The following NLE1 variants were observed in gnomAD, a reference collection of about 807,000 sequenced individuals.
NLE1 encodes notchless homolog 1.
NLE1 carries 37 observed loss-of-function variants against 62.8 expected under a neutral mutation model. The ratio of observed to expected loss-of-function variants is 0.59; its 90% CI spans 0.45 to 0.78. The LOEUF is 0.78. Among genes scored for constraint, NLE1 ranks in the 30% least tolerant of loss-of-function variants. The pLI is 0.00. For missense variants in NLE1, 555 were observed against 637.9 expected (o/e 0.87, Z 1.40); for synonymous variants, 243 against 253.0 (o/e 0.96, Z 0.37).
chr17:35,132,895 G>A (rs1250624963), intron 12 of NLE1, among the ~76,000 whole-genome samples: 1 of 152,110 alleles, frequency 6.6e-6, no homozygotes, highest in Non-Finnish European at 1.5e-5. Flanking sequence ...GTGTCCTGTG[G>A]CCCCTGTTGT....
Position 35,136,562 on chromosome 17 carries a change from G to A in NLE1, c.829-65C>T, listed in dbSNP as rs187725196. 1.5e-4 allele frequency: 228 copies of A among 1,557,218 alleles called. 2 individuals carry two copies. The East Asian group carries it at 2.4e-3, about 17-fold the overall frequency. On this transcript the variant is annotated intron_variant, in intron 7 of 12. Transcript: ENST00000442241. ...CCCACGCCTGGGCGATTAGCCCCAGGAGACAGGTGGTACAAGACTAATAAT... is the reference window on the plus strand; with the variant it reads ...CCCACGCCTGGGCGATTAGCCCCAGAAGACAGGTGGTACAAGACTAATAAT...
chr17:35,133,145 C>G (rs761664528), intron 12 of NLE1, 26 bp downstream of exon 12: 2 of 1,610,248 alleles, frequency 1.2e-6, no homozygotes, highest in African/African-American at 1.3e-5. Context: ...GCTGTGTATG[C>G]CAACCACCAC....
In NLE1 at chr17:35,139,852, C is replaced by A; in HGVS notation, c.377G>T (p.Gly126Val). ...ATGAGTCTGCAGCTGTCCTTACTTT[C>A]CCGTAGGGCTGAAGGCCACAGAAAT... Reference protein sequence around the residue: ...AVISVAFSPTGKYLASGSGDT... With the variant: ...AVISVAFSPTVKYLASGSGDT... The change falls in exon 3 of 13, where the codon GGA becomes GTA. Residue 126 changes from glycine (G) to valine (V), a missense_variant. Transcript: ENST00000442241. 6.2e-7 allele frequency: 1 copy of A among 1,612,176 alleles called. No homozygotes were observed. Among genetic ancestry groups the A allele is most frequent in the Non-Finnish European group, 8.5e-7 (1 of 1,180,008 alleles).
intron 7 of NLE1, 84 bp downstream of exon 7, chr17:35,136,917 C>T: frequency 3.1e-6 from 4 of 1,282,506 alleles, no homozygotes; most frequent in Non-Finnish European, 4.4e-6. Flanking sequence ...ACACTGGACT[C>T]GCTGATGTCA....
In NLE1 at chr17:35,129,840, A is replaced by C. The variant is rs2091865797; in HGVS notation, c.*2597T>G. On this transcript the variant is annotated 3_prime_UTR_variant, in exon 13 of 13. Coordinates refer to ENST00000442241, the MANE Select transcript of NLE1 (RefSeq NM_018096.5). ...TTCTGGGAGGTTTAAGGATTAAGCC[A>C]CTCTGGGGCCCACTAGGAATGCAAA... The C allele has an allele frequency of 3.5e-6, 5 of 1,427,214 alleles. No homozygotes were observed. The highest frequency in any genetic ancestry group is 4.6e-6 in the Non-Finnish European group (5 of 1,095,288). The allele number at this position is 1,427,214 out of a possible 1,614,324, so 88.4% of individuals were successfully genotyped here. A position where few individuals can be genotyped will look rare whatever the true frequency, so the allele number is the denominator to read the frequency against.
Position 35,137,593 on chromosome 17 carries a change from G to A in NLE1, c.585C>T (p.Leu195=), listed in dbSNP as rs749325743. Reference sequence around the variant, plus strand: ...CTGTGATCCACTTGCTGTGGCCAGCGAGGGTCCTGCCCACCTGCTTCCCTG... The same window carrying A: ...CTGTGATCCACTTGCTGTGGCCAGCAAGGGTCCTGCCCACCTGCTTCCCTG... ...PSTGKQVGRT[L]AGHSKWITGL... The change falls in exon 6 of 13, where the codon CTC becomes CTT. Residue 195 remains leucine, a synonymous_variant. Coordinates refer to ENST00000442241, the MANE Select transcript of NLE1 (RefSeq NM_018096.5). 9.3e-6 allele frequency: 15 copies of A among 1,610,674 alleles called. No homozygotes were observed. The highest frequency in any genetic ancestry group is 8.9e-5 in the East Asian group (4 of 44,898).
At chr17:35,140,436 C>G (rs373292683) in intron 2 of NLE1, among the ~76,000 whole-genome samples, 6 of 151,514 alleles carry the variant, frequency 4.0e-5, no homozygotes, top group African/African-American at 1.5e-4. Context: ...GCCACATTGG[C>G]CAGGCTGGTC....
intron 6 of NLE1, 21 bp from the exon 7 acceptor site, chr17:35,137,214 A>G (rs1440583749): frequency 6.3e-7 from 1 of 1,585,412 alleles, no homozygotes; most frequent in Admixed American, 1.7e-5. Context: ...GGGAGATGTG[A>G]CCTCATCTGT....
At chr17:35,136,118 G>A (rs756579371) in intron 9 of NLE1, 51 bp downstream of exon 9, 3 of 1,588,534 alleles carry the variant, frequency 1.9e-6, no homozygotes, top group Non-Finnish European at 2.6e-6. Context: ...TTTAGTGATT[G>A]GCTAAGGACT....
rs367578466 is a variant in NLE1, at chr17:35,129,385, A to G, written c.*3052T>C. The G allele has an allele frequency of 8.7e-6, 14 of 1,603,784 alleles. No individual in the cohort carries two copies. In the African/African-American group the frequency reaches 1.1e-4, roughly 12 times the overall value. ...GGTGAAGGGACAGGAAGGACAGGACATATCTGAGGAAGCCTCGGGGCTCTC... is the reference window on the plus strand; with the variant it reads ...GGTGAAGGGACAGGAAGGACAGGACGTATCTGAGGAAGCCTCGGGGCTCTC... On this transcript the variant is annotated 3_prime_UTR_variant, in exon 13 of 13. Coordinates refer to ENST00000442241, the MANE Select transcript of NLE1 (RefSeq NM_018096.5).
Position 35,137,558 on chromosome 17 carries a change from C to A in NLE1, c.620G>T (p.Trp207Leu). 6.2e-7 allele frequency: 1 copy of A among 1,609,378 alleles called. No homozygotes were observed. Among genetic ancestry groups the A allele is most frequent in the Non-Finnish European group, 8.5e-7 (1 of 1,179,834 alleles). ...GHSKWITGLSWEPLHANPECR... is the reference protein window; with the variant it reads ...GHSKWITGLSLEPLHANPECR... ...TGTCACTTACGCATGGAGGGGCTCCCAGCTCAGGCCTGTGATCCACTTGCT... is the reference window on the plus strand; with the variant it reads ...TGTCACTTACGCATGGAGGGGCTCCAAGCTCAGGCCTGTGATCCACTTGCT... The change falls in exon 6 of 13, where the codon TGG becomes TTG. Residue 207 changes from tryptophan to leucine, a missense_variant. Physicochemically the swap from Trp to Leu is moderately conservative, Grantham distance 61. Transcript: ENST00000442241.
chr17:35,133,294 C>T, intron 11 of NLE1, 45 bp downstream of exon 11: 2 of 1,614,162 alleles, frequency 1.2e-6, no homozygotes, highest in East Asian at 4.5e-5. Flanking sequence ...GACAGCCAGC[C>T]AGGCTCCAAT....
chr17:35,133,158 C>T lies in NLE1; in HGVS notation c.1445+13G>A. 6.2e-7 allele frequency: 1 copy of T among 1,613,214 alleles called. No homozygotes were observed. The highest frequency in any genetic ancestry group is 1.3e-5 in the African/African-American group (1 of 75,018). On this transcript the variant is annotated intron_variant, in intron 12 of 12. Transcript: ENST00000442241. ...GGGCTGTGTATGCCAACCACCACTTCCCCCACACTCACATCCGGAGGCATT... is the reference window on the plus strand; with the variant it reads ...GGGCTGTGTATGCCAACCACCACTTTCCCCACACTCACATCCGGAGGCATT...
intron 3 of NLE1, among the ~76,000 whole-genome samples, chr17:35,139,642 AG>A (rs759819232): frequency 6.6e-6 from 1 of 152,202 alleles, no homozygotes; most frequent in Non-Finnish European, 1.5e-5. Context: ...AGTCTAGGAG[AG>A]GTTTGTCCAA....
At chr17:35,139,187 T>C (rs2091927635) in intron 4 of NLE1, 48 bp downstream of exon 4, 3 of 1,523,894 alleles carry the variant, frequency 2.0e-6, no homozygotes, top group African/African-American at 1.4e-5. Flanking sequence ...AGCAAGACCT[T>C]GTCTCAAAAA....
At chr17:35,135,663 T>C (rs775287944) in intron 9 of NLE1, among the ~76,000 whole-genome samples, 1 of 152,108 alleles carries the variant, frequency 6.6e-6, no homozygotes, top group Non-Finnish European at 1.5e-5. Context: ...TCTACATGCA[T>C]GTAGAAAAAA....
At chr17:35,136,961 C>T (rs373437421) in intron 7 of NLE1, 40 bp downstream of exon 7, 14 of 1,536,804 alleles carry the variant, frequency 9.1e-6, no homozygotes, top group South Asian at 6.0e-5. Context: ...TTGTGACTTG[C>T]GATTTTCTGG....
At chr17:35,140,426 G>A (rs2091936229) in intron 2 of NLE1, among the ~76,000 whole-genome samples, 2 of 150,620 alleles carry the variant, frequency 1.3e-5, no homozygotes, top group African/African-American at 4.9e-5. Context: ...ACGGGGTTTC[G>A]CCACATTGGC....
Position 35,139,705 on chromosome 17 carries a change from C to T in NLE1, c.380+144G>A, listed in dbSNP as rs1324973549. ...GGACCATGCCCTACTGAGGAAGTCC[C>T]TTAATTGCAAGCTGAGTCCAGAGCT... On this transcript the variant is annotated intron_variant, in intron 3 of 12. Coordinates refer to ENST00000442241, the MANE Select transcript of NLE1 (RefSeq NM_018096.5). 1.5e-5 allele frequency: 18 copies of T among 1,205,590 alleles called. 1 individual carries two copies. The highest frequency in any genetic ancestry group is 1.9e-5 in the Non-Finnish European group (17 of 882,780). The allele number at this position is 1,205,590 out of a possible 1,614,324, so 74.7% of individuals were successfully genotyped here. A position where few individuals can be genotyped will look rare whatever the true frequency, so the allele number is the denominator to read the frequency against.
Sources: allele counts gnomAD v4.1 joint callset (sites outside exome capture counted in the v4.1 genomes callset), GRCh38; gene constraint gnomAD v4.1.1; transcripts MANE v1.5; gene names NCBI Gene and HGNC (gene_info 2026-07-23, HGNC 2026-07-21).